Variants in TJP1 observed in about 807,000 individuals in gnomAD.
TJP1 encodes tight junction protein ZO-1.
A neutral mutation model predicts 194.2 loss-of-function variants in TJP1; 43 were observed. The observed-to-expected ratio is 0.22, with a 90% confidence interval of 0.17 to 0.29. TJP1 has a LOEUF of 0.29. Among genes scored for constraint, TJP1 ranks in the 10% least tolerant of loss-of-function variants. The pLI, the probability that TJP1 is intolerant of heterozygous loss-of-function variation, is 1.00. For synonymous variants in TJP1, 801 were observed against 779.0 expected (o/e 1.03, Z -0.47); for missense variants, 1,971 against 2,185.7 (o/e 0.90, Z 1.96).
At chr15:29,891,351 C>T (rs552311513) in intron 2 of TJP1, among the ~76,000 whole-genome samples, 1 of 152,314 alleles carries the variant, frequency 6.6e-6, no homozygotes, top group South Asian at 2.1e-4. Flanking sequence ...TGACTCAGAT[C>T]CTTTTTGGTC....
At chr15:29,803,815 T>C (rs1020000002) in intron 1 of TJP1, among the ~76,000 whole-genome samples, 9 of 152,064 alleles carry the variant, frequency 5.9e-5, no homozygotes, top group African/African-American at 2.2e-4. Context: ...TCAAAATCAA[T>C]ATAGTTTTTC....
In TJP1 at chr15:29,741,563, G is replaced by GTTTATACATACATT; in HGVS notation, c.1151-128_1151-127insAATGTATGTATAAA. The GTTTATACATACATT allele has an allele frequency of 1.1e-5, 7 of 631,650 alleles. No homozygotes were observed. The South Asian group carries it at 1.4e-4, about 13-fold the overall frequency. 39.1% of individuals were successfully genotyped at this position (631,650 alleles called of 1,614,324 possible). A position where few individuals can be genotyped will look rare whatever the true frequency, so the allele number is the denominator to read the frequency against. The stretch of plus-strand genomic sequence containing the variant: ...AGGAACATATCTACCATATGTATTA[G>GTTTATACATACATT]AGTACATTTTATAGTAATAAATTCT... On this transcript the variant is annotated intron_variant, in intron 9 of 27. Transcript: ENST00000614355.
At chr15:29,744,441 G>A (rs1307388090) in intron 8 of TJP1, among the ~76,000 whole-genome samples, 1 of 151,850 alleles carries the variant, frequency 6.6e-6, no homozygotes, top group Non-Finnish European at 1.5e-5. Flanking sequence ...TTAGTGGCAA[G>A]AAACAAAATA....
intron 13 of TJP1, 70 bp downstream of exon 13, chr15:29,733,024 C>T (rs951753734): frequency 6.6e-7 from 1 of 1,513,434 alleles, no homozygotes; most frequent in Non-Finnish European, 9.0e-7. Flanking sequence ...CCAAAATTTC[C>T]CAGTGGGATT....
At chr15:29,961,551 C>T (rs540853228) in intron 1 of TJP1, among the ~76,000 whole-genome samples, 2 of 152,162 alleles carry the variant, frequency 1.3e-5, no homozygotes, top group African/African-American at 4.8e-5. Flanking sequence ...CTCTCTCCAC[C>T]TGCTTTGTAA....
chr15:29,829,448 C>G (rs1427738476), intron 2 of TJP1, among the ~76,000 whole-genome samples: 1 of 152,072 alleles, frequency 6.6e-6, no homozygotes, highest in Admixed American at 6.5e-5. Context: ...AGAGGGTCCA[C>G]GTGGAGTTTC....
chr15:29,822,554 G>T, upstream of TJP1: 1 of 883,976 alleles, frequency 1.1e-6, no homozygotes, highest in Non-Finnish European at 1.4e-6. Context: ...GGCGGGGAGG[G>T]GGCGGGGCCG....
chr15:29,831,219 G>C (rs1411042496), intron 2 of TJP1, among the ~76,000 whole-genome samples: 1 of 152,128 alleles, frequency 6.6e-6, no homozygotes, highest in Non-Finnish European at 1.5e-5. Flanking sequence ...TAATTGCTGA[G>C]GGAAAGTTTT....
At chr15:29,745,352 T>A (rs2044700073) in intron 8 of TJP1, among the ~76,000 whole-genome samples, 1 of 149,852 alleles carries the variant, frequency 6.7e-6, no homozygotes, top group Admixed American at 6.7e-5. Flanking sequence ...AAAAATTTCC[T>A]GAATTAAGAT....
At chr15:29,950,364 C>T (rs73371202) in intron 2 of TJP1, among the ~76,000 whole-genome samples, 8,072 of 151,548 alleles carry the variant, frequency 0.053, 659 homozygotes, top group African/African-American at 0.18. Context: ...ATTACCACTA[C>T]TACCACCACC....
At chr15:29,795,085 TC>T (rs2048321012) in intron 2 of TJP1, among the ~76,000 whole-genome samples, 1 of 152,146 alleles carries the variant, frequency 6.6e-6, no homozygotes, top group East Asian at 1.9e-4. Flanking sequence ...AATGTTATAC[TC>T]ATAATTTTAA....
chr15:29,938,200 G>T (rs768972086), intron 2 of TJP1, among the ~76,000 whole-genome samples: 8 of 152,178 alleles, frequency 5.3e-5, no homozygotes, highest in Non-Finnish European at 1.2e-4. Flanking sequence ...GGTATGGGAA[G>T]GTCGGTGACT....
chr15:29,743,528 C>A (rs992912158), intron 8 of TJP1, among the ~76,000 whole-genome samples: 1 of 152,074 alleles, frequency 6.6e-6, no homozygotes, highest in Non-Finnish European at 1.5e-5. Context: ...GAGTTTGAGA[C>A]CAGCTGGGCA....
intron 2 of TJP1, among the ~76,000 whole-genome samples, chr15:29,847,740 G>A (rs376873370): frequency 1.1e-4 from 16 of 152,034 alleles, no homozygotes; most frequent in African/African-American, 1.7e-4. Context: ...AGCAGAGATC[G>A]CGCTACTGCA....
At chr15:29,837,964 T>C (rs916047512) in intron 2 of TJP1, among the ~76,000 whole-genome samples, 5 of 152,202 alleles carry the variant, frequency 3.3e-5, no homozygotes, top group African/African-American at 1.2e-4. Context: ...TTTTATTTCC[T>C]AGCAAGAATA....
intron 2 of TJP1, among the ~76,000 whole-genome samples, chr15:29,949,627 C>CACAACCACCACCTCT (rs2055533262): frequency 7.5e-6 from 1 of 133,416 alleles, no homozygotes; most frequent in African/African-American, 2.7e-5. Flanking sequence ...CCACCACCTC[C>CACAACCACCACCTCT]ACCTCCACCA....
Position 29,822,253 on chromosome 15 carries a change from G to C in TJP1, c.-225C>G, listed in dbSNP as rs1310934744. The C allele has an allele frequency of 6.0e-6, 7 of 1,168,956 alleles. No homozygotes were observed. The highest frequency in any genetic ancestry group is 1.6e-5 in the African/African-American group (1 of 62,302). The allele number at this position is 1,168,956 out of a possible 1,614,324, so 72.4% of individuals were successfully genotyped here. A position where few individuals can be genotyped will look rare whatever the true frequency, so the allele number is the denominator to read the frequency against. On this transcript the variant is annotated 5_prime_UTR_variant, in exon 1 of 28. Transcript: ENST00000614355. ...TCTTCTCCACGGGGCGCGCCCGACCGGCACCTCCCTCCGAGCGCGGCCACC... is the reference window on the plus strand; with the variant it reads ...TCTTCTCCACGGGGCGCGCCCGACCCGCACCTCCCTCCGAGCGCGGCCACC...
In TJP1 at chr15:29,725,293, T is replaced by C. The variant is rs553380702; in HGVS notation, c.2412+1086A>G. 4.6e-5 allele frequency among the ~76,000 whole-genome samples: 7 copies of C among 152,268 alleles called. No individual in the cohort carries two copies. In the South Asian group the frequency reaches 8.3e-4, roughly 18 times the overall value. On this transcript the variant is annotated intron_variant, in intron 18 of 27. Coordinates refer to ENST00000614355, the MANE Select transcript of TJP1 (RefSeq NM_001330239.4). ...AAACCATAGTTCTGACACATTACTA[T>C]AGGTGAGAACAATAGACACTGCCTC...
intron 2 of TJP1, among the ~76,000 whole-genome samples, chr15:29,878,947 ACC>A (rs961291100): frequency 2.6e-5 from 4 of 151,740 alleles, no homozygotes; most frequent in Admixed American, 2.6e-4. Context: ...ACATGGTGAA[ACC>A]CCGTCTCTAC....
Sources: allele counts gnomAD v4.1 joint callset (sites outside exome capture counted in the v4.1 genomes callset), GRCh38; gene constraint gnomAD v4.1.1; transcripts MANE v1.5; gene names NCBI Gene and HGNC (gene_info 2026-07-23, HGNC 2026-07-21).